The following FAM120A variants were observed in gnomAD, a reference collection of about 807,000 sequenced individuals.
FAM120A encodes the protein family with sequence similarity 120 member A, also known as constitutive coactivator of PPAR-gamma-like protein 1.
A neutral mutation model predicts 109.7 loss-of-function variants in FAM120A; 15 were observed. The ratio of observed to expected loss-of-function variants is 0.14; its 90% CI spans 0.09 to 0.21. The LOEUF (loss-of-function observed/expected upper bound fraction) is 0.21, where lower values mean the gene tolerates loss of function less well. Among genes scored for constraint, FAM120A ranks in the 10% least tolerant of loss-of-function variants. The pLI is 1.00. For synonymous variants in FAM120A, 493 were observed against 572.8 expected (o/e 0.86, Z 1.99); for missense variants, 899 against 1,439.3 (o/e 0.62, Z 6.07).
intron 11 of FAM120A, among the ~76,000 whole-genome samples, chr9:93,544,929 G>A (rs1370553090): frequency 6.6e-6 from 1 of 152,140 alleles, no homozygotes; most frequent in Non-Finnish European, 1.5e-5. Context: ...AGTGCTTAGA[G>A]GCCCTGTAAA....
chr9:93,534,110 T>A (rs939455914), intron 10 of FAM120A, among the ~76,000 whole-genome samples: 8 of 152,098 alleles, frequency 5.3e-5, no homozygotes, highest in African/African-American at 1.7e-4. Flanking sequence ...CACGCACGGC[T>A]GATGGTGCTT....
At chr9:93,496,722 G>T (rs190508289) in intron 3 of FAM120A, among the ~76,000 whole-genome samples, 4 of 152,188 alleles carry the variant, frequency 2.6e-5, no homozygotes, top group African/African-American at 4.8e-5. Context: ...CAGCATATTC[G>T]CAGGTTCTGG....
At chr9:93,521,749 C>T (rs544041355) in intron 7 of FAM120A, among the ~76,000 whole-genome samples, 1 of 152,046 alleles carries the variant, frequency 6.6e-6, no homozygotes, top group Non-Finnish European at 1.5e-5. Flanking sequence ...TTTTCCCTTC[C>T]TGGTGCCTGT....
intron 10 of FAM120A, among the ~76,000 whole-genome samples, chr9:93,539,045 T>C (rs957703220): frequency 1.4e-5 from 2 of 144,284 alleles, no homozygotes; most frequent in Non-Finnish European, 3.0e-5. Flanking sequence ...TCGCCCAGGC[T>C]GGAGTGGAGT....
At chr9:93,536,408 T>C (rs1453356462) in intron 10 of FAM120A, among the ~76,000 whole-genome samples, 1 of 152,194 alleles carries the variant, frequency 6.6e-6, no homozygotes, top group Non-Finnish European at 1.5e-5. Context: ...GAATGGAAAA[T>C]CTGTGACCTA....
intron 7 of FAM120A, among the ~76,000 whole-genome samples, chr9:93,525,390 T>C (rs913906077): frequency 6.6e-6 from 1 of 152,144 alleles, no homozygotes; most frequent in Non-Finnish European, 1.5e-5. Flanking sequence ...CTCTAGATCC[T>C]CTTACCCTCC....
At chr9:93,508,404 C>T (rs1330043883) in intron 5 of FAM120A, among the ~76,000 whole-genome samples, 3 of 152,120 alleles carry the variant, frequency 2.0e-5, no homozygotes, top group African/African-American at 7.2e-5. Context: ...CAGCCTGTGC[C>T]CTGACAGGTC....
chr9:93,513,384 G>A (rs184521953), intron 5 of FAM120A, among the ~76,000 whole-genome samples: 164 of 152,318 alleles, frequency 1.1e-3, no homozygotes, highest in African/African-American at 3.6e-3. Context: ...ACGCCTGTGT[G>A]TGAGTGACCA....
chr9:93,526,245 C>G (rs1251499325), intron 7 of FAM120A, among the ~76,000 whole-genome samples: 1 of 152,168 alleles, frequency 6.6e-6, no homozygotes, highest in Non-Finnish European at 1.5e-5. Flanking sequence ...TGCTCAAGCC[C>G]CTGCACATCC....
intron 10 of FAM120A, among the ~76,000 whole-genome samples, chr9:93,534,770 G>A (rs753983731): frequency 6.6e-6 from 1 of 152,120 alleles, no homozygotes; most frequent in African/African-American, 2.4e-5. Context: ...TAAAGAGTTT[G>A]TATTAGTAGA....
Position 93,532,083 on chromosome 9 carries a change from A to G in FAM120A, c.1735-72A>G, listed in dbSNP as rs1030387826. On this transcript the variant is annotated intron_variant, in intron 9 of 17. Transcript: ENST00000277165. The surrounding 1 kb of genome is among the most constrained non-coding windows in gnomAD (Gnocchi z 4.3). ...TGTCATTAACTGGAGATAATACAGT[A>G]TATTTCTGTGAGTGTATTGTAAATT... 2.9e-6 allele frequency: 4 copies of G among 1,369,610 alleles called. No individual in the cohort carries two copies. The highest frequency in any genetic ancestry group is 2.1e-6 in the Non-Finnish European group (2 of 970,528). The allele number at this position is 1,369,610 out of a possible 1,614,324, so 84.8% of individuals were successfully genotyped here. A position where few individuals can be genotyped will look rare whatever the true frequency, so the allele number is the denominator to read the frequency against.
chr9:93,490,187 A>G (rs1473516275), intron 3 of FAM120A, among the ~76,000 whole-genome samples: 1 of 152,068 alleles, frequency 6.6e-6, no homozygotes, highest in East Asian at 1.9e-4. Context: ...CTTCCCCTTC[A>G]CTGTTTTCCA....
chr9:93,526,712 G>C (rs1415156430), intron 7 of FAM120A, among the ~76,000 whole-genome samples: 2 of 152,186 alleles, frequency 1.3e-5, no homozygotes, highest in East Asian at 3.9e-4. Context: ...AGCGCCCTGT[G>C]TGGTGTATTG....
intron 3 of FAM120A, among the ~76,000 whole-genome samples, chr9:93,484,032 GTCTC>G (rs1858930269): frequency 6.6e-6 from 1 of 151,178 alleles, no homozygotes; most frequent in Non-Finnish European, 1.5e-5. Context: ...GTTTTTCTGT[GTCTC>G]TCTTTTTTTT....
At chr9:93,463,808 G>C (rs2131226426) in intron 1 of FAM120A, among the ~76,000 whole-genome samples, 1 of 152,304 alleles carries the variant, frequency 6.6e-6, no homozygotes, top group Middle Eastern at 3.4e-3. Context: ...TGTTTTCCTA[G>C]TGTCAGAAAA....
chr9:93,486,513 C>CTTTCTTTTTCT (rs1564321305), intron 3 of FAM120A, among the ~76,000 whole-genome samples: 1 of 149,288 alleles, frequency 6.7e-6, no homozygotes, highest in African/African-American at 2.5e-5. Flanking sequence ...ATATTTTTTT[C>CTTTCTTTTTCT]TTTCTTTTTC....
rs1861764228 is a variant in FAM120A at position 93,543,185 on chromosome 9, G to A, written c.1910-37G>A. 3.7e-6 allele frequency: 6 copies of A among 1,605,468 alleles called. No individual in the cohort carries two copies. In the South Asian group the frequency reaches 4.4e-5, roughly 12 times the overall value. ...TTAAGACTGAAAGCAGGTGAATGATGCATGAATGTGTCTTCTCTGGCTTTT... is the reference window on the plus strand; with the variant it reads ...TTAAGACTGAAAGCAGGTGAATGATACATGAATGTGTCTTCTCTGGCTTTT... On this transcript the variant is annotated intron_variant, in intron 10 of 17. Transcript: ENST00000277165.
intron 5 of FAM120A, among the ~76,000 whole-genome samples, chr9:93,505,832 T>C (rs1477475047): frequency 6.6e-6 from 1 of 152,260 alleles, no homozygotes. Context: ...AAACACTTTG[T>C]CTTCTAAAAG....
At chr9:93,530,973 T>C (rs955475557) in intron 9 of FAM120A, 1 of 152,220 alleles carries the variant, frequency 6.6e-6, no homozygotes, top group African/African-American at 2.4e-5. Context: ...TTATTTCTTA[T>C]GAATTTCAAG....
Sources: allele counts gnomAD v4.1 joint callset (sites outside exome capture counted in the v4.1 genomes callset), GRCh38; gene constraint gnomAD v4.1.1; non-coding constraint Gnocchi (gnomAD v3.1); transcripts MANE v1.5; gene names NCBI Gene and HGNC (gene_info 2026-07-23, HGNC 2026-07-21).